Variants in FSTL4 observed in about 807,000 individuals in gnomAD.
The protein encoded by FSTL4 is follistatin-related protein 4.
A neutral mutation model predicts 78.2 loss-of-function variants in FSTL4; 28 were observed. The observed-to-expected ratio is 0.36, with a 90% confidence interval of 0.27 to 0.49. The LOEUF is 0.49. Among genes scored for constraint, FSTL4 ranks in the 20% least tolerant of loss-of-function variants. The probability of loss-of-function intolerance (pLI) is 0.98; values close to 1 mark genes in which losing one functional copy is unlikely to be tolerated. For missense variants in FSTL4, 922 were observed against 1,084.9 expected, an observed-to-expected ratio of 0.85 and a Z score of 2.11; for synonymous variants, 422 against 440.5, an observed-to-expected ratio of 0.96 and a Z score of 0.53.
At chr5:133,593,035 G>A (rs1362777956) in intron 2 of FSTL4, among the ~76,000 whole-genome samples, 1 of 152,074 alleles carries the variant, frequency 6.6e-6, no homozygotes, top group African/African-American at 2.4e-5. Context: ...CCTCCAATAG[G>A]ACAGTTTTGG....
At chr5:133,313,606 A>C (rs1561667640) in intron 5 of FSTL4, among the ~76,000 whole-genome samples, 1 of 152,110 alleles carries the variant, frequency 6.6e-6, no homozygotes, top group East Asian at 1.9e-4. Context: ...CTCAGAAGAA[A>C]GAAAATGATT....
chr5:133,690,665 C>T, the FSTL4 span, among the ~76,000 whole-genome samples: 3 of 152,162 alleles, frequency 2.0e-5, no homozygotes, highest in South Asian at 4.1e-4. Context: ...AGGGCAAACA[C>T]GCAGGGGATG....
intron 6 of FSTL4, among the ~76,000 whole-genome samples, chr5:133,311,728 G>C (rs1266369809): frequency 6.6e-6 from 1 of 152,232 alleles, no homozygotes; most frequent in Non-Finnish European, 1.5e-5. Context: ...GCCCCTGGGG[G>C]TGGGGTGGGC....
chr5:133,730,509 G>A, the FSTL4 span, among the ~76,000 whole-genome samples: 6 of 152,172 alleles, frequency 3.9e-5, no homozygotes, highest in Non-Finnish European at 8.8e-5. Context: ...GACCTGGTAT[G>A]CCAGACCCAG....
chr5:133,692,267 A>G, the FSTL4 span, among the ~76,000 whole-genome samples: 1 of 152,194 alleles, frequency 6.6e-6, no homozygotes, highest in Non-Finnish European at 1.5e-5. Context: ...TCACGCCCCC[A>G]AGATGAGCCA....
intron 4 of FSTL4, among the ~76,000 whole-genome samples, chr5:133,320,813 C>T (rs941317739): frequency 1.3e-5 from 2 of 152,034 alleles, no homozygotes; most frequent in Admixed American, 6.5e-5. Context: ...TGAGACCATC[C>T]TGGCTAACAC....
rs965121280 is a variant in FSTL4, at chr5:133,394,856, G to A, written c.409+5882C>T. On this transcript the variant is annotated intron_variant, in intron 4 of 15. Transcript: ENST00000265342. ...TGGAGAACTTTTATGTCTAGCTAAG[G>A]GATTGTAGATACACCAATCAGCACT... is the stretch of plus-strand genomic sequence containing the variant. Among the ~76,000 whole-genome samples, 5 of 152,228 alleles carry A rather than the reference G, an allele frequency of 3.3e-5. No individual in the cohort carries two copies. The East Asian group carries it at 7.7e-4, about 23-fold the overall frequency.
intron 3 of FSTL4, among the ~76,000 whole-genome samples, chr5:133,523,163 C>T (rs778444747): frequency 7.2e-4 from 109 of 152,290 alleles, no homozygotes; most frequent in Admixed American, 1.2e-3. Flanking sequence ...TCCCGGCATG[C>T]GTGCAGAGGA....
At chr5:133,607,212 C>T (rs533075226) in intron 1 of FSTL4, among the ~76,000 whole-genome samples, 3 of 152,254 alleles carry the variant, frequency 2.0e-5, no homozygotes, top group African/African-American at 2.4e-5. Context: ...TTATACTTAA[C>T]GGTGATTGAC....
chr5:133,793,577 G>C, the FSTL4 span, among the ~76,000 whole-genome samples: 1 of 152,276 alleles, frequency 6.6e-6, no homozygotes, highest in African/African-American at 2.4e-5. Flanking sequence ...TCTGTGTCAG[G>C]AGTTCGTGTT....
chr5:133,283,303 C>A, intron 6 of FSTL4, among the ~76,000 whole-genome samples: 1 of 151,926 alleles, frequency 6.6e-6, no homozygotes, highest in Non-Finnish European at 1.5e-5. Context: ...AAGGCTCTAA[C>A]GGGGCCATGC....
At chr5:133,357,970 G>T (rs1754977614) in intron 4 of FSTL4, among the ~76,000 whole-genome samples, 1 of 152,200 alleles carries the variant, frequency 6.6e-6, no homozygotes, top group African/African-American at 2.4e-5. Context: ...AGTCGGCTTG[G>T]GCTGGGCATA....
chr5:133,788,317 G>A, the FSTL4 span, among the ~76,000 whole-genome samples: 284 of 152,352 alleles, frequency 1.9e-3, no homozygotes, highest in African/African-American at 6.3e-3. Context: ...TCCGTGGCTG[G>A]AAAATGGAAC....
chr5:133,433,624 A>T (rs573618996), intron 3 of FSTL4, among the ~76,000 whole-genome samples: 13 of 152,330 alleles, frequency 8.5e-5, no homozygotes, highest in African/African-American at 2.6e-4. Flanking sequence ...TACAGAAAGG[A>T]GTCAGTTAAG....
intron 1 of FSTL4, 137 bp from the exon 2 acceptor site, chr5:133,604,130 G>C (rs892721255): frequency 1.6e-6 from 1 of 633,278 alleles, no homozygotes; most frequent in Non-Finnish European, 2.8e-6. Context: ...TTCTACCTTG[G>C]AGAGGTTATA....
the FSTL4 span, among the ~76,000 whole-genome samples, chr5:133,832,154 C>T: frequency 2.0e-5 from 3 of 152,216 alleles, no homozygotes; most frequent in Non-Finnish European, 4.4e-5. Context: ...GAAGCAGTGT[C>T]AGCCTTGCGA....
the FSTL4 span, among the ~76,000 whole-genome samples, chr5:133,817,127 G>T: frequency 0.12 from 17,770 of 152,284 alleles, 1,347 homozygotes; most frequent in East Asian, 0.29. Flanking sequence ...TCACTACCCC[G>T]CTGTGTTAAG....
At chr5:133,281,239 G>A (rs1315685682) in intron 6 of FSTL4, among the ~76,000 whole-genome samples, 1 of 152,084 alleles carries the variant, frequency 6.6e-6, no homozygotes, top group Non-Finnish European at 1.5e-5. Flanking sequence ...CTGCATTAAT[G>A]GCCTTGAGGG....
chr5:133,555,950 T>C (rs541873010), intron 3 of FSTL4, among the ~76,000 whole-genome samples: 1 of 152,282 alleles, frequency 6.6e-6, no homozygotes, highest in South Asian at 2.1e-4. Flanking sequence ...CCACAACGCA[T>C]TGCCCAGACC....
Sources: allele counts gnomAD v4.1 joint callset (sites outside exome capture counted in the v4.1 genomes callset), GRCh38; gene constraint gnomAD v4.1.1; transcripts MANE v1.5; gene names NCBI Gene and HGNC (gene_info 2026-07-23, HGNC 2026-07-21).